Variants in GPRC5B observed in about 807,000 individuals in gnomAD.
GPRC5B encodes G protein-coupled receptor family C group 5 member B.
A neutral mutation model predicts 30.1 loss-of-function variants in GPRC5B; 16 were observed. The ratio of observed to expected loss-of-function variants is 0.53; its 90% CI spans 0.36 to 0.81. The LOEUF (loss-of-function observed/expected upper bound fraction) is 0.81. GPRC5B is among the 30% of genes least tolerant of loss of function. The probability of loss-of-function intolerance (pLI) is 0.01; values close to 1 mark genes in which losing one functional copy is unlikely to be tolerated. For synonymous variants in GPRC5B, 241 were observed against 239.5 expected (o/e 1.01, Z -0.06); for missense variants, 428 against 544.7 (o/e 0.79, Z 2.13).
At chr16:19,862,028 G>T in intron 2 of GPRC5B, 55 bp from the exon 3 acceptor site, 1 of 1,594,352 alleles carries the variant, frequency 6.3e-7, no homozygotes, top group Non-Finnish European at 8.6e-7. Flanking sequence ...ACACAATTTT[G>T]TTTTCTTCCC....
chr16:19,868,673 G>A (rs1364927500), intron 2 of GPRC5B, among the ~76,000 whole-genome samples: 1 of 152,196 alleles, frequency 6.6e-6, no homozygotes, highest in Non-Finnish European at 1.5e-5. Flanking sequence ...ACACGGGCTT[G>A]CCAACCTGGA....
intron 1 of GPRC5B, among the ~76,000 whole-genome samples, chr16:19,881,895 C>G (rs377746261): frequency 5.3e-5 from 8 of 152,368 alleles, no homozygotes; most frequent in Non-Finnish European, 1.0e-4. Context: ...GACTAGCCCC[C>G]ATTTCTCCCA....
At chr16:19,881,233 G>A (rs2056804783) in intron 1 of GPRC5B, among the ~76,000 whole-genome samples, 1 of 152,146 alleles carries the variant, frequency 6.6e-6, no homozygotes, top group African/African-American at 2.4e-5. Flanking sequence ...CTGTAAAATG[G>A]GGATAATGAT....
intron 3 of GPRC5B, among the ~76,000 whole-genome samples, chr16:19,861,159 C>T (rs985335586): frequency 6.7e-6 from 1 of 148,432 alleles, no homozygotes. Flanking sequence ...GAATGGAAAC[C>T]CAATTTACAC....
At chr16:19,878,984 A>T (rs759614895) in intron 1 of GPRC5B, among the ~76,000 whole-genome samples, 3 of 152,168 alleles carry the variant, frequency 2.0e-5, no homozygotes, top group Non-Finnish European at 4.4e-5. Context: ...GGCTGGATAC[A>T]CAAGGACACG....
At chr16:19,878,953 G>T (rs2141151964) in intron 1 of GPRC5B, among the ~76,000 whole-genome samples, 1 of 152,304 alleles carries the variant, frequency 6.6e-6, no homozygotes, top group Middle Eastern at 3.4e-3. Flanking sequence ...CAGTGCTGCA[G>T]GCGATGTGGG....
At chr16:19,873,456 T>G (rs896004314) in intron 1 of GPRC5B, among the ~76,000 whole-genome samples, 2 of 127,468 alleles carry the variant, frequency 1.6e-5, no homozygotes, top group African/African-American at 6.2e-5. Context: ...AGAGCTAGAC[T>G]CCGTCTCCAA....
chr16:19,874,720 G>A (rs2056747922), intron 1 of GPRC5B: 1 of 152,264 alleles, frequency 6.6e-6, no homozygotes, highest in Admixed American at 6.5e-5. Flanking sequence ...TCCCCTGGGG[G>A]AGCAAAATCA....
chr16:19,884,614 G>A (rs193040591), intron 1 of GPRC5B, 113 bp downstream of exon 1: 6 of 775,186 alleles, frequency 7.7e-6, no homozygotes, highest in South Asian at 1.2e-4. Flanking sequence ...GGGTTGGGGG[G>A]GCGCTTAGAA....
At chr16:19,869,982 G>A (rs2056701481) in intron 2 of GPRC5B, among the ~76,000 whole-genome samples, 1 of 152,154 alleles carries the variant, frequency 6.6e-6, no homozygotes, top group African/African-American at 2.4e-5. Context: ...GGCTGAGGTG[G>A]GAGGACTGCT....
chr16:19,871,691 T>C (rs931398978), intron 2 of GPRC5B, 125 bp downstream of exon 2: 2 of 803,028 alleles, frequency 2.5e-6, no homozygotes, highest in Non-Finnish European at 4.1e-6. Context: ...TCAACATTTG[T>C]GGGTTCTGAT....
At chr16:19,871,021 A>G (rs933086833) in intron 2 of GPRC5B, among the ~76,000 whole-genome samples, 35 of 151,912 alleles carry the variant, frequency 2.3e-4, no homozygotes, top group African/African-American at 8.0e-4. Context: ...GGCTGAGCAT[A>G]GTGGCTCATG....
rs563615600 is a variant in GPRC5B, at chr16:19,867,473, C to A, written c.1030+4343G>T. Among the ~76,000 whole-genome samples the A allele has an allele frequency of 3.9e-5, 6 of 152,328 alleles. No homozygotes were observed. The South Asian group carries it at 1.2e-3, about 32-fold the overall frequency. ...TACCGGGCCCCCAGGAAGCCCCCAA[C>A]AGAGGTTAGTTATCTTACACTGTAA... On this transcript the variant is annotated intron_variant, in intron 2 of 3. Coordinates refer to ENST00000300571, the MANE Select transcript of GPRC5B (RefSeq NM_016235.3).
At position 19,858,408 on chromosome 16, in the gene GPRC5B, G is replaced by T. The variant is rs962712451; in HGVS notation, c.*2092C>A. ...TGCTGGGGAAGCACGACTTTCCATG[G>T]CAGCCATTTGTGCTGTGCTCACCTT... is the stretch of plus-strand genomic sequence containing the variant. On this transcript the variant is annotated 3_prime_UTR_variant, in exon 4 of 4. Coordinates refer to ENST00000300571, the MANE Select transcript of GPRC5B (RefSeq NM_016235.3). 2 of 497,696 alleles carry T rather than the reference G, an allele frequency of 4.0e-6. No individual in the cohort carries two copies. Among genetic ancestry groups the T allele is most frequent in the Non-Finnish European group, 7.3e-6 (2 of 275,720 alleles). 30.8% of individuals were successfully genotyped at this position (497,696 alleles called of 1,614,324 possible). A position where few individuals can be genotyped will look rare whatever the true frequency, so the allele number is the denominator to read the frequency against.
At chr16:19,860,592 A>G (rs755344090) in intron 3 of GPRC5B, 48 bp from the exon 4 acceptor site, 2 of 1,254,642 alleles carry the variant, frequency 1.6e-6, no homozygotes, top group African/African-American at 3.0e-5. Flanking sequence ...GTGCTTTGCA[A>G]AGTCAACACT....
At chr16:19,860,600 A>G (rs2056613009) in intron 3 of GPRC5B, 56 bp from the exon 4 acceptor site, 2 of 1,147,332 alleles carry the variant, frequency 1.7e-6, no homozygotes, top group Non-Finnish European at 2.6e-6. Context: ...CAAAGTCAAC[A>G]CTAGAAACCG....
intron 1 of GPRC5B, among the ~76,000 whole-genome samples, chr16:19,881,679 G>C (rs2056807647): frequency 6.6e-6 from 1 of 152,198 alleles, no homozygotes; most frequent in African/African-American, 2.4e-5. Flanking sequence ...ATACTTGGGA[G>C]GCTGAGGCAG....
chr16:19,862,260 T>C (rs2141138079), intron 2 of GPRC5B: 1 of 380,202 alleles, frequency 2.6e-6, no homozygotes, highest in Admixed American at 4.3e-5. Context: ...ACGCAGCCTC[T>C]GCAGGCCGCG....
chr16:19,874,716 G>A (rs960165538), intron 1 of GPRC5B: 6 of 152,270 alleles, frequency 3.9e-5, no homozygotes, highest in Non-Finnish European at 7.3e-5. Context: ...GATGTCCCCT[G>A]GGGGAGCAAA....
Sources: allele counts gnomAD v4.1 joint callset (sites outside exome capture counted in the v4.1 genomes callset), GRCh38; gene constraint gnomAD v4.1.1; transcripts MANE v1.5; gene names NCBI Gene and HGNC (gene_info 2026-07-23, HGNC 2026-07-21).